MRTFB: variants seen among roughly 807,000 people sequenced by gnomAD.
The protein encoded by MRTFB is myocardin related transcription factor B.
Under a neutral mutation model 104.2 loss-of-function variants are expected in MRTFB, and 29 were observed. The observed-to-expected ratio is 0.28, with a 90% confidence interval of 0.21 to 0.38. MRTFB has a LOEUF of 0.38. MRTFB is among the 10% of genes least tolerant of loss of function. MRTFB has a pLI of 1.00. For missense variants in MRTFB, 1,270 were observed against 1,341.6 expected (o/e 0.95, Z 0.83); for synonymous variants, 535 against 519.5 (o/e 1.03, Z -0.41).
intron 3 of MRTFB, among the ~76,000 whole-genome samples, chr16:14,158,860 A>G (rs183421023): frequency 3.3e-5 from 5 of 152,238 alleles, no homozygotes; most frequent in Admixed American, 3.3e-4. Flanking sequence ...AGCTGGGCAC[A>G]GAGGCTGACG....
intron 2 of MRTFB, among the ~76,000 whole-genome samples, chr16:14,111,170 G>A (rs530804734): frequency 8.5e-5 from 13 of 152,326 alleles, no homozygotes; most frequent in African/African-American, 3.1e-4. Flanking sequence ...AAAGAGATAG[G>A]ATAACTGAAT....
At chr16:14,003,896 T>A in the MRTFB span, among the ~76,000 whole-genome samples, 1 of 152,098 alleles carries the variant, frequency 6.6e-6, no homozygotes, top group African/African-American at 2.4e-5. Context: ...CCAACTGGTG[T>A]TTCAAGGGAA....
the MRTFB span, among the ~76,000 whole-genome samples, chr16:14,023,607 A>T: frequency 3.4e-5 from 1 of 29,182 alleles, no homozygotes; most frequent in African/African-American, 1.5e-4. Flanking sequence ...ACACACACAC[A>T]CACATACATA....
At chr16:14,186,809 C>T (rs2039969328) in intron 3 of MRTFB, 1 of 1,566,208 alleles carries the variant, frequency 6.4e-7, no homozygotes, top group South Asian at 1.2e-5. Flanking sequence ...TTGTGGGGAG[C>T]AACCAGGGAC....
chr16:14,196,978 T>C (rs2040464128), intron 3 of MRTFB, among the ~76,000 whole-genome samples: 1 of 142,698 alleles, frequency 7.0e-6, no homozygotes, highest in African/African-American at 2.6e-5. Flanking sequence ...TTTTTTTTTT[T>C]TTTTTTTTTG....
At chr16:14,066,910 A>T (rs541385245), upstream of MRTFB, among the ~76,000 whole-genome samples, 4 of 151,224 alleles carry the variant, frequency 2.6e-5, no homozygotes, top group African/African-American at 9.7e-5. Context: ...GCCTCATTCA[A>T]TCCTCTCTCC....
At chr16:14,183,561 AGTC>A (rs2039841729) in intron 3 of MRTFB, among the ~76,000 whole-genome samples, 7 of 152,050 alleles carry the variant, frequency 4.6e-5, no homozygotes, top group African/African-American at 1.4e-4. Flanking sequence ...CCGACTAAGC[AGTC>A]ATCAATATCA....
rs377092396 is a variant in MRTFB at position 14,240,607 on chromosome 16, G to A, written c.1079+123G>A. ...GCTCAGTAATGATTTTCATTTCTTT[G>A]TTATCAGAGCTTATCACACAGTGTC... On this transcript the variant is annotated intron_variant, in intron 10 of 16. Coordinates refer to ENST00000571589, the MANE Select transcript of MRTFB (RefSeq NM_001308142.2). 3.9e-5 allele frequency: 59 copies of A among 1,504,598 alleles called. 1 individual carries two copies. The African/African-American group carries it at 6.8e-4, about 17-fold the overall frequency. The allele number at this position is 1,504,598 out of a possible 1,614,324, so 93.2% of individuals were successfully genotyped here. A position where few individuals can be genotyped will look rare whatever the true frequency, so the allele number is the denominator to read the frequency against.
intron 2 of MRTFB, among the ~76,000 whole-genome samples, chr16:14,116,455 A>G (rs1056418744): frequency 3.3e-5 from 5 of 152,152 alleles, no homozygotes; most frequent in African/African-American, 1.2e-4. Context: ...CCTTAGCACT[A>G]TTAACTTTTT....
At chr16:14,004,876 T>C in the MRTFB span, among the ~76,000 whole-genome samples, 1 of 152,234 alleles carries the variant, frequency 6.6e-6, no homozygotes, top group Non-Finnish European at 1.5e-5. Context: ...CTGGTCAGCA[T>C]AGAACCAGCT....
intron 8 of MRTFB, among the ~76,000 whole-genome samples, chr16:14,233,814 G>A (rs568376035): frequency 1.4e-5 from 2 of 146,442 alleles, no homozygotes; most frequent in East Asian, 2.0e-4. Flanking sequence ...AGAATGCCAT[G>A]TATTGTTTTG....
At chr16:14,134,522 A>G (rs2037605506) in intron 2 of MRTFB, among the ~76,000 whole-genome samples, 2 of 152,330 alleles carry the variant, frequency 1.3e-5, no homozygotes, top group Admixed American at 6.5e-5. Context: ...GCTCCTGTTA[A>G]GCACTAAAGT....
chr16:14,166,693 T>G (rs1024609967), intron 3 of MRTFB, among the ~76,000 whole-genome samples: 4 of 147,222 alleles, frequency 2.7e-5, no homozygotes, highest in African/African-American at 1.0e-4. Flanking sequence ...CCAGTGTGTG[T>G]TGTTCCCCTC....
intron 3 of MRTFB, among the ~76,000 whole-genome samples, chr16:14,193,335 G>A (rs911738864): frequency 6.6e-6 from 1 of 150,890 alleles, no homozygotes; most frequent in Admixed American, 6.6e-5. Context: ...TCAAAAATCT[G>A]TGGGGTAAAA....
At chr16:14,068,403 T>C (rs370569954), upstream of MRTFB, among the ~76,000 whole-genome samples, 4 of 152,108 alleles carry the variant, frequency 2.6e-5, no homozygotes, top group Admixed American at 1.3e-4. Context: ...TACACTGGAG[T>C]CCTGACCTCA....
At chr16:14,040,466 CT>C in the MRTFB span, among the ~76,000 whole-genome samples, 54 of 144,398 alleles carry the variant, frequency 3.7e-4, no homozygotes, top group Middle Eastern at 3.5e-3. Context: ...ATTACTAAAT[CT>C]TTTTTTTTTT....
At chr16:14,037,716 A>T in the MRTFB span, among the ~76,000 whole-genome samples, 1 of 152,192 alleles carries the variant, frequency 6.6e-6, no homozygotes, top group African/African-American at 2.4e-5. Flanking sequence ...CTTAAGGAGA[A>T]ACCTTAAGTG....
At chr16:14,258,608 A>C (rs191345577) in intron 16 of MRTFB, among the ~76,000 whole-genome samples, 1 of 152,354 alleles carries the variant, frequency 6.6e-6, no homozygotes, top group African/African-American at 2.4e-5. Context: ...CTAAAAAACA[A>C]AGACCAGATA....
At chr16:14,216,780 GC>G (rs1462225242) in intron 6 of MRTFB, among the ~76,000 whole-genome samples, 1 of 152,070 alleles carries the variant, frequency 6.6e-6, no homozygotes, top group East Asian at 1.9e-4. Flanking sequence ...TGAACCATGG[GC>G]CACATCCGTC....
Sources: gnomAD v4.1 joint callset for allele counts (sites outside exome capture counted in the v4.1 genomes callset) on GRCh38, gnomAD v4.1.1 for gene constraint, MANE v1.5 for transcripts, NCBI Gene and HGNC (gene_info 2026-07-23, HGNC 2026-07-21) for gene names.